Variants in C10orf90 observed in about 807,000 individuals in gnomAD.
C10orf90 encodes the protein chromosome 10 open reading frame 90.
In C10orf90, 56 loss-of-function variants were observed where a neutral mutation model predicts 62.5. The ratio of observed to expected loss-of-function variants is 0.90; its 90% CI spans 0.72 to 1.12. The LOEUF (loss-of-function observed/expected upper bound fraction) is 1.12. Ranked by LOEUF, C10orf90 falls within the 50% of genes most tolerant of loss-of-function variation. The pLI, the probability that C10orf90 is intolerant of heterozygous loss-of-function variation, is 0.00. For missense variants in C10orf90, 970 were observed against 880.4 expected, an observed-to-expected ratio of 1.10 and a Z score of -1.29; for synonymous variants, 386 against 340.4, an observed-to-expected ratio of 1.13 and a Z score of -1.47.
At chr10:126,506,228 G>A (rs1368227411) in intron 3 of C10orf90, among the ~76,000 whole-genome samples, 1 of 152,204 alleles carries the variant, frequency 6.6e-6, no homozygotes, top group Non-Finnish European at 1.5e-5. Flanking sequence ...AGTATGCTAT[G>A]ATTTTTAACA....
At chr10:126,433,390 G>A (rs1857706726) in intron 7 of C10orf90, among the ~76,000 whole-genome samples, 1 of 152,086 alleles carries the variant, frequency 6.6e-6, no homozygotes, top group Non-Finnish European at 1.5e-5. Flanking sequence ...GGGCATCTGG[G>A]AAAACTCCAT....
intron 2 of C10orf90, among the ~76,000 whole-genome samples, chr10:126,580,111 T>C (rs1250052263): frequency 1.3e-5 from 2 of 152,258 alleles, no homozygotes; most frequent in East Asian, 1.9e-4. Context: ...CTCCACTCTC[T>C]GGTCAGCGTC....
chr10:126,537,302 C>A (rs752148335), intron 2 of C10orf90, among the ~76,000 whole-genome samples: 1 of 152,208 alleles, frequency 6.6e-6, no homozygotes, highest in Non-Finnish European at 1.5e-5. Context: ...ATCCTCAGTT[C>A]TCTAAATGTA....
At chr10:126,591,630 C>A (rs183881293) in intron 2 of C10orf90, among the ~76,000 whole-genome samples, 82 of 152,200 alleles carry the variant, frequency 5.4e-4, no homozygotes, top group African/African-American at 1.9e-3. Context: ...CCCTTGAAAA[C>A]CAGCATAAGA....
chr10:126,473,649 A>T (rs1056092034), intron 4 of C10orf90, among the ~76,000 whole-genome samples: 4 of 149,774 alleles, frequency 2.7e-5, no homozygotes, highest in African/African-American at 9.8e-5. Flanking sequence ...CTGGATTTTT[A>T]TTTTTTTTTT....
At chr10:126,528,156 TAG>T (rs901434956) in intron 2 of C10orf90, among the ~76,000 whole-genome samples, 19 of 152,138 alleles carry the variant, frequency 1.2e-4, no homozygotes, top group African/African-American at 4.3e-4. Flanking sequence ...CTCTGCTATG[TAG>T]AGAGAGACGG....
intron 2 of C10orf90, among the ~76,000 whole-genome samples, chr10:126,619,744 A>G (rs1229825479): frequency 3.3e-5 from 5 of 151,916 alleles, no homozygotes; most frequent in African/African-American, 1.2e-4. Context: ...GGCTCAAGTG[A>G]CCCTCCCAAC....
chr10:126,599,603 C>T (rs970985484), intron 2 of C10orf90, among the ~76,000 whole-genome samples: 26 of 151,854 alleles, frequency 1.7e-4, no homozygotes, highest in African/African-American at 5.1e-4. Flanking sequence ...GAGGGCTGAT[C>T]GCCACCCTCT....
At chr10:126,577,578 G>A (rs1461030345) in intron 2 of C10orf90, among the ~76,000 whole-genome samples, 3 of 152,050 alleles carry the variant, frequency 2.0e-5, no homozygotes, top group African/African-American at 2.4e-5. Context: ...ACCTGACTTT[G>A]TAAAGATGTT....
chr10:126,566,272 G>A (rs1000715341), intron 2 of C10orf90, among the ~76,000 whole-genome samples: 25 of 152,350 alleles, frequency 1.6e-4, no homozygotes, highest in African/African-American at 4.6e-4. Context: ...AAGCCAACAC[G>A]TGATGTTATT....
chr10:126,432,586 C>G (rs4617500), intron 7 of C10orf90, among the ~76,000 whole-genome samples: 91,725 of 152,074 alleles, frequency 0.6, 28,726 homozygotes, highest in East Asian at 0.7. Flanking sequence ...GATATTTAAA[C>G]CAAGACCCGA....
chr10:126,476,231 GC>G, intron 4 of C10orf90, among the ~76,000 whole-genome samples: 1 of 152,176 alleles, frequency 6.6e-6, no homozygotes. Context: ...GCGCTTCCTA[GC>G]CCGGCTGACA....
At position 126,520,993 on chromosome 10, in the gene C10orf90, A is replaced by G. The variant is rs150940473; in HGVS notation, c.314-7054T>C. 378 of 275,948 alleles carry G rather than the reference A, an allele frequency of 1.4e-3. 1 individual carries two copies. The highest frequency in any genetic ancestry group is 7.7e-3 in the African/African-American group (353 of 45,978). The allele number at this position is 275,948 out of a possible 1,614,324, so 17.1% of individuals were successfully genotyped here. A position where few individuals can be genotyped will look rare whatever the true frequency, so the allele number is the denominator to read the frequency against. Reference sequence around the variant, plus strand: ...CCTTATCCAAATGGCCCTTATCCCAATAAGGTCACATTCACAGGGATCAGG... The same window carrying G: ...CCTTATCCAAATGGCCCTTATCCCAGTAAGGTCACATTCACAGGGATCAGG... On this transcript the variant is annotated intron_variant, in intron 2 of 9. Coordinates refer to ENST00000488181, the MANE Select transcript of C10orf90 (RefSeq NM_001350921.2).
chr10:126,425,817 G>T lies in C10orf90; in HGVS notation c.*47C>A. On this transcript the variant is annotated 3_prime_UTR_variant, in exon 10 of 10. Transcript: ENST00000488181. ...AAGTTTAATGGCTTATCCAGCATTC[G>T]AAGTCCTCCCAGGTCCAGGTAGTGT... 3.2e-6 allele frequency: 5 copies of T among 1,579,544 alleles called. No individual in the cohort carries two copies. Among genetic ancestry groups the T allele is most frequent in the Non-Finnish European group, 4.3e-6 (5 of 1,162,946 alleles).
chr10:126,468,931 CTTT>C (rs1396002572), intron 4 of C10orf90, among the ~76,000 whole-genome samples: 1 of 152,216 alleles, frequency 6.6e-6, no homozygotes, highest in Non-Finnish European at 1.5e-5. Context: ...AAAAAAGATA[CTTT>C]ATTATCTCTC....
rs1021240479 is a variant in C10orf90 at position 126,456,660 on chromosome 10, T to G, written c.2188+2380A>C. On this transcript the variant is annotated intron_variant, in intron 7 of 9. Transcript: ENST00000488181. This position sits in a 1 kb window ranked among gnomAD's most constrained non-coding sequence, Gnocchi z 4.9. ...GGAAATAGGGTCTTTGCAGAGGTAA[T>G]CAAGTTAAAATGAGGTCAGACTGGT... 6.6e-6 allele frequency among the ~76,000 whole-genome samples: 1 copy of G among 152,290 alleles called. No homozygotes were observed. Among genetic ancestry groups the G allele is most frequent in the Admixed American group, 6.5e-5 (1 of 15,290 alleles).
intron 2 of C10orf90, among the ~76,000 whole-genome samples, chr10:126,536,343 A>G (rs1159275377): frequency 6.6e-6 from 1 of 152,200 alleles, no homozygotes; most frequent in Non-Finnish European, 1.5e-5. Flanking sequence ...CTGCCTCAGC[A>G]ATTAGCTGGA....
chr10:126,501,292 A>G (rs1250275603), intron 4 of C10orf90, among the ~76,000 whole-genome samples: 1 of 152,206 alleles, frequency 6.6e-6, no homozygotes, highest in Non-Finnish European at 1.5e-5. Flanking sequence ...GGTAAATTTC[A>G]GGCCAGAATT....
intron 2 of C10orf90, among the ~76,000 whole-genome samples, chr10:126,573,558 C>T (rs1049005848): frequency 6.6e-6 from 1 of 152,160 alleles, no homozygotes; most frequent in African/African-American, 2.4e-5. Flanking sequence ...GATCAGGACC[C>T]CTGTCCAGTA....
Sources: allele counts gnomAD v4.1 joint callset (sites outside exome capture counted in the v4.1 genomes callset), GRCh38; gene constraint gnomAD v4.1.1; non-coding constraint Gnocchi (gnomAD v3.1); transcripts MANE v1.5; gene names NCBI Gene and HGNC (gene_info 2026-07-23, HGNC 2026-07-21).